GAS2: variants seen among roughly 807,000 people sequenced by gnomAD.
GAS2 encodes the protein growth arrest specific 2, also known as growth arrest-specific protein 2.
A neutral mutation model predicts 37.5 loss-of-function variants in GAS2; 20 were observed. The ratio of observed to expected loss-of-function variants is 0.53; its 90% CI spans 0.37 to 0.77. The LOEUF (loss-of-function observed/expected upper bound fraction) is 0.77, where lower values mean the gene tolerates loss of function less well. Ranked by LOEUF, GAS2 falls within the 30% of genes least tolerant of loss-of-function variation. GAS2 has a pLI of 0.00. For synonymous variants in GAS2, 144 were observed against 132.2 expected, an observed-to-expected ratio of 1.09 and a Z score of -0.61; for missense variants, 336 against 373.4, an observed-to-expected ratio of 0.90 and a Z score of 0.82.
intron 7 of GAS2, among the ~76,000 whole-genome samples, chr11:22,790,590 ATTTTTTTTT>A (rs58284244): frequency 6.3e-5 from 7 of 111,804 alleles, no homozygotes; most frequent in African/African-American, 1.9e-4. Flanking sequence ...CTTCTTCTCT[ATTTTTTTTT>A]TTTTTTTTTT....
intron 3 of GAS2, among the ~76,000 whole-genome samples, chr11:22,701,921 TGAAGTTAAAATA>T (rs1272826759): frequency 6.6e-6 from 1 of 152,188 alleles, no homozygotes; most frequent in Admixed American, 6.6e-5. Context: ...ATTATGGGGC[TGAAGTTAAAATA>T]GAAGTTAAAA....
chr11:22,680,243 T>G (rs895296704), intron 2 of GAS2, among the ~76,000 whole-genome samples: 8 of 152,134 alleles, frequency 5.3e-5, no homozygotes, highest in Non-Finnish European at 1.2e-4. Flanking sequence ...AGAATCACCT[T>G]CATGTTCACA....
At chr11:22,626,994 T>C (rs1409815759) in intron 1 of GAS2, among the ~76,000 whole-genome samples, 1 of 152,218 alleles carries the variant, frequency 6.6e-6, no homozygotes, top group Non-Finnish European at 1.5e-5. Flanking sequence ...GATTTCACCT[T>C]ATTGGTCAGG....
At chr11:22,669,016 G>C (rs1379837645) in intron 1 of GAS2, among the ~76,000 whole-genome samples, 2 of 152,218 alleles carry the variant, frequency 1.3e-5, no homozygotes, top group East Asian at 1.9e-4. Context: ...GCTTATGTAA[G>C]TTTCTGTATT....
At chr11:22,681,841 G>T (rs1321919958) in intron 2 of GAS2, among the ~76,000 whole-genome samples, 5 of 145,140 alleles carry the variant, frequency 3.4e-5, no homozygotes, top group African/African-American at 5.2e-5. Flanking sequence ...ATATTTTTTT[G>T]AAAAAAATAC....
At chr11:22,716,478 A>G (rs1367934170) in intron 3 of GAS2, among the ~76,000 whole-genome samples, 1 of 152,030 alleles carries the variant, frequency 6.6e-6, no homozygotes, top group Non-Finnish European at 1.5e-5. Context: ...TGTCTCAACT[A>G]AAAATTCAAA....
chr11:22,799,029 A>G (rs1466872572), intron 7 of GAS2, among the ~76,000 whole-genome samples: 1 of 152,130 alleles, frequency 6.6e-6, no homozygotes, highest in African/African-American at 2.4e-5. Flanking sequence ...TCGAGTTATG[A>G]TGGCTTGTAA....
intron 7 of GAS2, among the ~76,000 whole-genome samples, chr11:22,764,507 T>A: frequency 7.9e-6 from 1 of 127,104 alleles, no homozygotes; most frequent in Non-Finnish European, 1.5e-5. Context: ...TTGCAGTGAG[T>A]GGGGAGATCT....
At chr11:22,658,420 C>T (rs935264583) in intron 1 of GAS2, among the ~76,000 whole-genome samples, 3 of 152,158 alleles carry the variant, frequency 2.0e-5, no homozygotes, top group Admixed American at 2.0e-4. Flanking sequence ...AGATAGGTAT[C>T]TCAAAATTAA....
intron 7 of GAS2, among the ~76,000 whole-genome samples, chr11:22,763,624 C>T (rs756103540): frequency 5.8e-5 from 1 of 17,364 alleles, no homozygotes. Context: ...CATACACACA[C>T]ACACACACAC....
intron 3 of GAS2, among the ~76,000 whole-genome samples, chr11:22,719,178 C>T (rs1048466073): frequency 2.0e-5 from 3 of 151,814 alleles, no homozygotes; most frequent in East Asian, 3.9e-4. Context: ...CTGACGAGAA[C>T]GTTTAAAATC....
rs562300548 is a variant in GAS2 at position 22,680,853 on chromosome 11, C to A, written c.146-4815C>A. On this transcript the variant is annotated intron_variant, in intron 2 of 7. Coordinates refer to ENST00000454584, the MANE Select transcript of GAS2 (RefSeq NM_001143830.3). The stretch of plus-strand genomic sequence containing the variant: ...CAAGCATAGTGGCTAAAAGCATGGA[C>A]TCTGAACCTAAATTGCCAAAGAGCC... 1.6e-4 allele frequency among the ~76,000 whole-genome samples: 24 copies of A among 152,286 alleles called. No individual in the cohort carries two copies. In the South Asian group the frequency reaches 4.8e-3, roughly 30 times the overall value.
intron 7 of GAS2, among the ~76,000 whole-genome samples, chr11:22,780,717 C>G (rs1451759058): frequency 1.3e-5 from 2 of 151,886 alleles, no homozygotes; most frequent in African/African-American, 4.8e-5. Flanking sequence ...CTCAGTTACT[C>G]CAGCTCAATA....
At chr11:22,779,721 A>C (rs1273507671) in intron 7 of GAS2, among the ~76,000 whole-genome samples, 4 of 152,040 alleles carry the variant, frequency 2.6e-5, no homozygotes, top group Non-Finnish European at 4.4e-5. Context: ...AACAAAAAAA[A>C]AAACCAAACA....
intron 7 of GAS2, among the ~76,000 whole-genome samples, chr11:22,776,499 C>T (rs1039030082): frequency 6.6e-6 from 1 of 152,110 alleles, no homozygotes; most frequent in African/African-American, 2.4e-5. Context: ...GCAGCTTCGG[C>T]CAGAGTGATT....
At chr11:22,760,858 T>C (rs1028523236) in intron 7 of GAS2, among the ~76,000 whole-genome samples, 8 of 152,192 alleles carry the variant, frequency 5.3e-5, no homozygotes, top group African/African-American at 1.9e-4. Context: ...AGTTAAAAAT[T>C]TGAGAATAAA....
intron 4 of GAS2, among the ~76,000 whole-genome samples, chr11:22,732,510 G>T (rs902622449): frequency 1.3e-5 from 2 of 151,610 alleles, no homozygotes; most frequent in Non-Finnish European, 3.0e-5. Flanking sequence ...TTCTTTGTTT[G>T]CTTTTTCCTT....
At position 22,714,361 on chromosome 11, in the gene GAS2, T is replaced by A. The variant is rs935459443; in HGVS notation, c.268-11931T>A. On this transcript the variant is annotated intron_variant, in intron 3 of 7. Transcript: ENST00000454584. ...ATACATATGCACCTAACATGGGAGC[T>A]CCCAAATTTATAAAACAATTACCGC... Among the ~76,000 whole-genome samples, 75 of 151,874 alleles carry A rather than the reference T, an allele frequency of 4.9e-4. 2 individuals are homozygous for A. The highest frequency in any genetic ancestry group is 1.8e-3 in the African/African-American group (74 of 41,438).
chr11:22,676,047 A>G (rs953333804), intron 2 of GAS2, among the ~76,000 whole-genome samples: 3 of 152,056 alleles, frequency 2.0e-5, no homozygotes, highest in Non-Finnish European at 4.4e-5. Flanking sequence ...TCTTTATCCT[A>G]TATTTCTTTT....
Sources: allele counts gnomAD v4.1 joint callset (sites outside exome capture counted in the v4.1 genomes callset), GRCh38; gene constraint gnomAD v4.1.1; transcripts MANE v1.5; gene names NCBI Gene and HGNC (gene_info 2026-07-23, HGNC 2026-07-21).